The following DGKG variants were observed in gnomAD, a reference collection of about 807,000 sequenced individuals.
The protein encoded by DGKG is diacylglycerol kinase gamma.
DGKG carries 78 observed loss-of-function variants against 105.3 expected under a neutral mutation model. The observed-to-expected ratio is 0.74, with a 90% CI of 0.62 to 0.89. DGKG has a LOEUF of 0.89. DGKG is among the 40% of genes least tolerant of loss of function. The pLI is 0.00. For missense variants in DGKG, 958 were observed against 1,020.1 expected (o/e 0.94, Z 0.83); for synonymous variants, 346 against 367.1 (o/e 0.94, Z 0.66).
At chr3:186,273,608 C>T (rs1225614318) in intron 10 of DGKG, among the ~76,000 whole-genome samples, 2 of 152,004 alleles carry the variant, frequency 1.3e-5, no homozygotes, top group East Asian at 1.9e-4. Context: ...CTCCTGACCT[C>T]GTGATCCACC....
intron 1 of DGKG, among the ~76,000 whole-genome samples, chr3:186,338,196 G>A (rs7624890): frequency 0.32 from 48,175 of 149,186 alleles, 9,515 homozygotes; most frequent in African/African-American, 0.56. Context: ...AAAGAAAGAA[G>A]GAAAAGTAGA....
Position 186,149,380 on chromosome 3 carries a change from G to T in DGKG, c.*710C>A. 2 of 985,364 alleles carry T rather than the reference G, an allele frequency of 2.0e-6. No individual in the cohort carries two copies. The highest frequency in any genetic ancestry group is 2.4e-6 in the Non-Finnish European group (2 of 829,926). The allele number at this position is 985,364 out of a possible 1,614,324, so 61.0% of individuals were successfully genotyped here. On this transcript the variant is annotated 3_prime_UTR_variant, in exon 25 of 25. Coordinates refer to ENST00000265022, the MANE Select transcript of DGKG (RefSeq NM_001346.3). ...AGGTGTGCTATGCAGGCAGCTCTGG[G>T]GGCTCTTGGAGCCGCCTCTAAGCAA...
intron 17 of DGKG, among the ~76,000 whole-genome samples, chr3:186,254,630 C>T (rs146526367): frequency 2.0e-5 from 3 of 152,284 alleles, no homozygotes; most frequent in Non-Finnish European, 4.4e-5. Context: ...TATGTGTTGT[C>T]TCCTTACTAG....
At chr3:186,353,066 A>G (rs1249453106) in intron 1 of DGKG, among the ~76,000 whole-genome samples, 3 of 152,178 alleles carry the variant, frequency 2.0e-5, no homozygotes, top group African/African-American at 7.2e-5. Context: ...CTTTGCATAC[A>G]TGGTTCCCTT....
intron 15 of DGKG, among the ~76,000 whole-genome samples, chr3:186,260,765 G>T (rs564320394): frequency 2.6e-5 from 4 of 152,286 alleles, no homozygotes; most frequent in African/African-American, 9.6e-5. Context: ...CAGAAGCATC[G>T]CCCCTTACAA....
At chr3:186,280,079 A>C in intron 8 of DGKG, 106 bp from the exon 9 acceptor site, 1 of 1,420,668 alleles carries the variant, frequency 7.0e-7, no homozygotes, top group Non-Finnish European at 9.7e-7. Flanking sequence ...TTTGTGTTTT[A>C]CCCCTTTCCC....
At chr3:186,299,840 T>TCTTTCTTTCTTTCTTTC (rs1553815789) in intron 3 of DGKG, among the ~76,000 whole-genome samples, 11 of 80,742 alleles carry the variant, frequency 1.4e-4, no homozygotes, top group South Asian at 3.7e-4. Context: ...TTTCTTTCTT[T>TCTTTCTTTCTTTCTTTC]TTTTTTTTTT....
At chr3:186,188,959 C>T (rs1038115584) in intron 21 of DGKG, among the ~76,000 whole-genome samples, 10 of 152,042 alleles carry the variant, frequency 6.6e-5, no homozygotes, top group African/African-American at 2.4e-4. Context: ...GGATTACAGG[C>T]ACCTGCCACC....
intron 2 of DGKG, among the ~76,000 whole-genome samples, chr3:186,313,099 TA>T (rs1724637607): frequency 6.6e-6 from 1 of 152,252 alleles, no homozygotes; most frequent in African/African-American, 2.4e-5. Flanking sequence ...AAAGGTAGAC[TA>T]GTGGTTATCA....
intron 1 of DGKG, among the ~76,000 whole-genome samples, chr3:186,350,565 C>A (rs566996647): frequency 2.6e-5 from 4 of 152,284 alleles, no homozygotes; most frequent in African/African-American, 9.6e-5. Flanking sequence ...GTACAAGTAC[C>A]TCTTCATGTT....
chr3:186,306,851 G>A (rs1377680728), intron 3 of DGKG, 50 bp downstream of exon 3: 3 of 1,290,134 alleles, frequency 2.3e-6, no homozygotes, highest in Admixed American at 1.8e-5. Context: ...ATTATGGAAA[G>A]GCTAAAAAAC....
chr3:186,293,598 C>T (rs981402133), intron 5 of DGKG, among the ~76,000 whole-genome samples: 6 of 152,252 alleles, frequency 3.9e-5, no homozygotes, highest in Non-Finnish European at 7.4e-5. Context: ...GCCTCCGAGC[C>T]GAAGTCTGGA....
intron 1 of DGKG, among the ~76,000 whole-genome samples, chr3:186,338,143 C>T (rs1211931789): frequency 4.1e-4 from 60 of 147,226 alleles, no homozygotes; most frequent in African/African-American, 1.5e-3. Context: ...GCACTCTAGC[C>T]CAGGCAACAG....
chr3:186,258,906 G>C (rs1384742773), intron 16 of DGKG, among the ~76,000 whole-genome samples: 1 of 152,034 alleles, frequency 6.6e-6, no homozygotes, highest in Non-Finnish European at 1.5e-5. Context: ...GGGGTTCCTG[G>C]CACAAAAAAG....
chr3:186,158,569 T>C, intron 24 of DGKG: 1 of 943,990 alleles, frequency 1.1e-6, no homozygotes, highest in Non-Finnish European at 1.3e-6. Context: ...GCTTTTTGCC[T>C]TGTAAACTAG....
chr3:186,200,402 TG>T (rs1325214141), intron 21 of DGKG, among the ~76,000 whole-genome samples: 2 of 152,200 alleles, frequency 1.3e-5, no homozygotes, highest in Non-Finnish European at 2.9e-5. Flanking sequence ...ACACAATCCT[TG>T]TTCAACATCA....
intron 11 of DGKG, among the ~76,000 whole-genome samples, chr3:186,271,099 G>T (rs933274697): frequency 5.3e-5 from 8 of 152,172 alleles, no homozygotes; most frequent in Admixed American, 5.2e-4. Flanking sequence ...TTCTGCAGGA[G>T]GGCTGGGTAC....
At chr3:186,319,513 C>T (rs549170223) in intron 2 of DGKG, among the ~76,000 whole-genome samples, 1 of 152,278 alleles carries the variant, frequency 6.6e-6, no homozygotes, top group East Asian at 1.9e-4. Flanking sequence ...TTTACAGAAG[C>T]ATCAACACAG....
intron 1 of DGKG, among the ~76,000 whole-genome samples, chr3:186,346,362 T>C (rs903605169): frequency 6.6e-6 from 1 of 152,236 alleles, no homozygotes; most frequent in African/African-American, 2.4e-5. Context: ...TCTAGTGCCC[T>C]CTTATGAGGA....
Sources: allele counts gnomAD v4.1 joint callset (sites outside exome capture counted in the v4.1 genomes callset), GRCh38; gene constraint gnomAD v4.1.1; transcripts MANE v1.5; gene names NCBI Gene and HGNC (gene_info 2026-07-23, HGNC 2026-07-21).